The following CCPG1 variants were observed in gnomAD, a reference collection of about 807,000 sequenced individuals.
The protein encoded by CCPG1 is cell cycle progression protein 1.
A neutral mutation model predicts 81.3 loss-of-function variants in CCPG1; 46 were observed. The ratio of observed to expected loss-of-function variants is 0.57; its 90% CI spans 0.45 to 0.72. The LOEUF is 0.72. CCPG1 is among the 30% of genes least tolerant of loss of function. CCPG1 has a pLI of 0.00. For missense variants in CCPG1, 902 were observed against 937.6 expected (o/e 0.96, Z 0.50); for synonymous variants, 330 against 305.2 (o/e 1.08, Z -0.85).
rs550269699 is a variant in CCPG1, at chr15:55,384,920, T to C, written c.175+680A>G. 8.5e-5 allele frequency among the ~76,000 whole-genome samples: 13 copies of C among 152,302 alleles called. No individual in the cohort carries two copies. In the East Asian group the frequency reaches 2.5e-3, roughly 29 times the overall value. On this transcript the variant is annotated intron_variant, in intron 3 of 8. Transcript: ENST00000442196. ...AGGTTAGTAAATCTCTTGTGATCAA[T>C]GAATAATTTTTTTCTTAACTTTAAT...
chr15:55,401,766 T>C (rs1394036463), intron 1 of CCPG1, among the ~76,000 whole-genome samples: 5 of 152,118 alleles, frequency 3.3e-5, no homozygotes, highest in African/African-American at 4.8e-5. Flanking sequence ...ATATTTTTCT[T>C]CCCACTCAGA....
At chr15:55,397,743 G>C (rs551289952) in intron 1 of CCPG1, among the ~76,000 whole-genome samples, 1 of 152,302 alleles carries the variant, frequency 6.6e-6, no homozygotes, top group African/African-American at 2.4e-5. Flanking sequence ...TTGGGAGGCC[G>C]AGGTGGGCAG....
At chr15:55,358,357 G>C in intron 8 of CCPG1, 2 of 984,860 alleles carry the variant, frequency 2.0e-6, no homozygotes, top group Non-Finnish European at 2.4e-6. Context: ...GAAGATAAGG[G>C]GGGACTACTG....
At chr15:55,387,213 A>G (rs966297052) in intron 2 of CCPG1, among the ~76,000 whole-genome samples, 1 of 152,202 alleles carries the variant, frequency 6.6e-6, no homozygotes, top group Non-Finnish European at 1.5e-5. Flanking sequence ...CTAATGACAC[A>G]CTTGACTGAG....
chr15:55,406,927 G>T (rs1329216678), intron 1 of CCPG1, among the ~76,000 whole-genome samples: 8 of 151,720 alleles, frequency 5.3e-5, no homozygotes, highest in African/African-American at 1.9e-4. Context: ...TAAAAATTAT[G>T]AATTAACGCC....
chr15:55,358,621 AAGTTC>A lies in CCPG1; in HGVS notation c.2234+913_2234+917del, dbSNP rs1344412021. The stretch of plus-strand genomic sequence containing the variant: ...TCTTCCAAAAGCTACTTTAAAAACT[AAGTTC>A]AGTTCAAAGGCCACCTCACTCAAGA... On this transcript the variant is annotated intron_variant, in intron 8 of 8. Coordinates refer to ENST00000442196, the MANE Select transcript of CCPG1 (RefSeq NM_001204450.2). 6.1e-6 allele frequency: 6 copies of A among 985,284 alleles called. No homozygotes were observed. In the African/African-American group the frequency reaches 1.0e-4, roughly 17 times the overall value. 61.0% of individuals were successfully genotyped at this position (985,284 alleles called of 1,614,324 possible).
chr15:55,376,178 T>G (rs1442333074), intron 5 of CCPG1, among the ~76,000 whole-genome samples: 1 of 152,216 alleles, frequency 6.6e-6, no homozygotes. Context: ...GTGTTTCAAG[T>G]TGTCTCTGCC....
At chr15:55,370,799 C>T (rs965677458) in intron 6 of CCPG1, among the ~76,000 whole-genome samples, 2 of 150,762 alleles carry the variant, frequency 1.3e-5, no homozygotes, top group Non-Finnish European at 2.9e-5. Flanking sequence ...ATCACTTGAA[C>T]CCAGAGGCAG....
chr15:55,371,517 T>C (rs938012516), intron 6 of CCPG1, among the ~76,000 whole-genome samples: 1 of 152,206 alleles, frequency 6.6e-6, no homozygotes, highest in Non-Finnish European at 1.5e-5. Context: ...CATTTCAGAT[T>C]TTTAATCTTC....
intron 8 of CCPG1, 68 bp from the exon 9 acceptor site, chr15:55,356,477 A>T: frequency 7.4e-7 from 1 of 1,354,274 alleles, no homozygotes; most frequent in Non-Finnish European, 9.8e-7. Context: ...AACAATTTTA[A>T]ATGTTTTCTC....
At chr15:55,361,683 C>T (rs891910573) in intron 7 of CCPG1, among the ~76,000 whole-genome samples, 7 of 149,856 alleles carry the variant, frequency 4.7e-5, no homozygotes, top group Non-Finnish European at 7.4e-5. Context: ...TCCAGCCTGG[C>T]GACAGAGCGA....
At chr15:55,394,393 T>C (rs1185238724) in intron 1 of CCPG1, among the ~76,000 whole-genome samples, 4 of 152,164 alleles carry the variant, frequency 2.6e-5, no homozygotes, top group Non-Finnish European at 5.9e-5. Flanking sequence ...AAGAATTCTA[T>C]ATGAAACAAG....
intron 1 of CCPG1, among the ~76,000 whole-genome samples, chr15:55,403,181 T>C (rs1168683332): frequency 6.6e-6 from 1 of 152,248 alleles, no homozygotes; most frequent in Admixed American, 6.5e-5. Flanking sequence ...TTCATTTTCA[T>C]ATCTGATTTA....
In CCPG1 at chr15:55,360,304, T is replaced by C; in HGVS notation, c.1469A>G (p.Lys490Arg). Reference sequence around the variant, plus strand: ...ATTCTTCATGGCATCAAATGTTTCCTTAACTGAACCCAAAAATGTTTCCTT... The same window carrying C: ...ATTCTTCATGGCATCAAATGTTTCCCTAACTGAACCCAAAAATGTTTCCTT... ...KSKETFLGSV[K>R]ETFDAMKNST... Residue 490 changes from lysine to arginine, a missense_variant, in exon 8 of 9, where the codon AAG becomes AGG. Lys to Arg is a conservative substitution (Grantham distance 26, BLOSUM62 2). Transcript: ENST00000442196. 6.2e-7 allele frequency: 1 copy of C among 1,614,000 alleles called. No homozygotes were observed. The highest frequency in any genetic ancestry group is 8.5e-7 in the Non-Finnish European group (1 of 1,179,986).
chr15:55,372,955 C>T (rs2056484329), intron 5 of CCPG1: 1 of 534,590 alleles, frequency 1.9e-6, no homozygotes, highest in African/African-American at 1.9e-5. Flanking sequence ...CCCTTCCCTT[C>T]GACTGCCACT....
intron 3 of CCPG1, among the ~76,000 whole-genome samples, chr15:55,382,623 C>T (rs2056723302): frequency 6.6e-6 from 1 of 151,784 alleles, no homozygotes; most frequent in Admixed American, 6.6e-5. Flanking sequence ...CATTCTCCTG[C>T]CTCAGCCTCC....
At position 55,404,919 on chromosome 15, in the gene CCPG1, A is replaced by G. The variant is rs575337951; in HGVS notation, c.-10+3302T>C. Among the ~76,000 whole-genome samples the G allele has an allele frequency of 1.2e-4, 18 of 152,152 alleles. No homozygotes were observed. In the East Asian group the frequency reaches 1.7e-3, roughly 15 times the overall value. Reference sequence around the variant, plus strand: ...ACCCCATCTCTACTAAAAATACAAAAATTAGCCGGGCATGGTGGTGTGTGC... The same window carrying G: ...ACCCCATCTCTACTAAAAATACAAAGATTAGCCGGGCATGGTGGTGTGTGC... On this transcript the variant is annotated intron_variant, in intron 1 of 8. Coordinates refer to ENST00000442196, the MANE Select transcript of CCPG1 (RefSeq NM_001204450.2).
Position 55,364,104 on chromosome 15 carries a change from C to T in CCPG1, c.828+1084G>A, listed in dbSNP as rs542877101. 5.3e-5 allele frequency among the ~76,000 whole-genome samples: 8 copies of T among 150,522 alleles called. 1 individual carries two copies. In the East Asian group the frequency reaches 1.6e-3, roughly 31 times the overall value. On this transcript the variant is annotated intron_variant, in intron 7 of 8. Coordinates refer to ENST00000442196, the MANE Select transcript of CCPG1 (RefSeq NM_001204450.2). Reference sequence around the variant, plus strand: ...GGGAATTTGGGAGGTTGCCACCACACCCAGACATAGCTTATTTTTCTACCC... The same window carrying T: ...GGGAATTTGGGAGGTTGCCACCACATCCAGACATAGCTTATTTTTCTACCC...
chr15:55,384,686 T>C (rs1174547774), intron 3 of CCPG1, among the ~76,000 whole-genome samples: 1 of 151,802 alleles, frequency 6.6e-6, no homozygotes, highest in Non-Finnish European at 1.5e-5. Flanking sequence ...TAAAAATAAA[T>C]GAAATATTAT....
Sources: gnomAD v4.1 joint callset for allele counts (sites outside exome capture counted in the v4.1 genomes callset) on GRCh38, gnomAD v4.1.1 for gene constraint, MANE v1.5 for transcripts, NCBI Gene and HGNC (gene_info 2026-07-23, HGNC 2026-07-21) for gene names.